The following GABRG1 variants were observed in gnomAD, a reference collection of about 807,000 sequenced individuals.
GABRG1 encodes the protein gamma-aminobutyric acid type A receptor subunit gamma1, also known as gamma-aminobutyric acid receptor subunit gamma-1.
Under a neutral mutation model 49.8 loss-of-function variants are expected in GABRG1, and 49 were observed. That is an observed-to-expected ratio of 0.98 (90% CI 0.78 to 1.25). The LOEUF (loss-of-function observed/expected upper bound fraction) is 1.25. GABRG1 is among the 50% of genes most tolerant of loss of function. The probability of loss-of-function intolerance (pLI) is 0.00; values close to 1 mark genes in which losing one functional copy is unlikely to be tolerated. For missense variants in GABRG1, 552 were observed against 552.3 expected (o/e 1.00, Z 0.01); for synonymous variants, 232 against 185.1 (o/e 1.25, Z -2.06).
chr4:46,110,263 C>T (rs543174174), intron 1 of GABRG1, among the ~76,000 whole-genome samples: 1 of 151,060 alleles, frequency 6.6e-6, no homozygotes, highest in East Asian at 2.0e-4. Flanking sequence ...TATAATTATG[C>T]AATGCCCTCC....
intron 1 of GABRG1, among the ~76,000 whole-genome samples, chr4:46,119,390 G>A (rs1033612442): frequency 6.6e-6 from 1 of 151,314 alleles, no homozygotes; most frequent in African/African-American, 2.4e-5. Context: ...ATGCAGGCAG[G>A]GGTATAGAAC....
intron 1 of GABRG1, among the ~76,000 whole-genome samples, chr4:46,118,589 GC>G (rs939561574): frequency 6.6e-6 from 1 of 150,884 alleles, no homozygotes; most frequent in African/African-American, 2.4e-5. Context: ...ACACTATAGG[GC>G]AATGACTTTG....
At chr4:46,072,328 A>C (rs1603614) in intron 3 of GABRG1, among the ~76,000 whole-genome samples, 85,835 of 151,826 alleles carry the variant, frequency 0.57, 24,765 homozygotes, top group African/African-American at 0.63. Flanking sequence ...TGTCTCTGTC[A>C]TTAAGTGATA....
At chr4:46,115,906 A>C (rs1720869072) in intron 1 of GABRG1, among the ~76,000 whole-genome samples, 1 of 150,802 alleles carries the variant, frequency 6.6e-6, no homozygotes, top group Non-Finnish European at 1.5e-5. Context: ...CATTTAAAAA[A>C]TTAATTGGTA....
chr4:46,039,144 C>T lies in GABRG1; in HGVS notation c.*1844G>A, dbSNP rs1391784290. 6.6e-6 allele frequency: 1 copy of T among 151,402 alleles called. No individual in the cohort carries two copies. Among genetic ancestry groups the T allele is most frequent in the African/African-American group, 2.4e-5 (1 of 41,316 alleles). The allele number at this position is 151,402 out of a possible 1,614,324, so 9.4% of individuals were successfully genotyped here. A position where few individuals can be genotyped will look rare whatever the true frequency, so the allele number is the denominator to read the frequency against. On this transcript the variant is annotated 3_prime_UTR_variant, in exon 9 of 9. Coordinates refer to ENST00000295452, the MANE Select transcript of GABRG1 (RefSeq NM_173536.4). ...TTTTATTTATCCTTAAATGAATGCT[C>T]ACTTTCAAAACATCCATCAGTACTC... is the stretch of plus-strand genomic sequence containing the variant.
At position 46,070,409 on chromosome 4, in the gene GABRG1, A is replaced by G. The variant is rs1009658630; in HGVS notation, c.322-4825T>C. On this transcript the variant is annotated intron_variant, in intron 3 of 8. Coordinates refer to ENST00000295452, the MANE Select transcript of GABRG1 (RefSeq NM_173536.4). The stretch of plus-strand genomic sequence containing the variant: ...ATAAAATAGACCATGAAGTAATGCA[A>G]TCTGTAGGGTTTTATAAACCCTATG... 4.6e-5 allele frequency among the ~76,000 whole-genome samples: 7 copies of G among 152,108 alleles called. No homozygotes were observed. The South Asian group carries it at 8.3e-4, about 18-fold the overall frequency.
At chr4:46,096,691 C>CA (rs1429610552) in intron 2 of GABRG1, among the ~76,000 whole-genome samples, 1 of 150,638 alleles carries the variant, frequency 6.6e-6, no homozygotes, top group Non-Finnish European at 1.5e-5. Context: ...AGAAGGTAAC[C>CA]AAAAAAAGTG....
chr4:46,110,175 A>G lies in GABRG1; in HGVS notation c.105-12826T>C, dbSNP rs182548472. 5.1e-4 allele frequency among the ~76,000 whole-genome samples: 77 copies of G among 151,158 alleles called. 1 individual carries two copies. Among genetic ancestry groups the G allele is most frequent in the African/African-American group, 1.7e-3 (71 of 41,438 alleles). On this transcript the variant is annotated intron_variant, in intron 1 of 8. Coordinates refer to ENST00000295452, the MANE Select transcript of GABRG1 (RefSeq NM_173536.4). Reference sequence around the variant, plus strand: ...AATGTTTTTGTAGTTCTAGATGTATATCTTTAAATGTAGGTGCTCCAATGT... The same window carrying G: ...AATGTTTTTGTAGTTCTAGATGTATGTCTTTAAATGTAGGTGCTCCAATGT...
intron 1 of GABRG1, among the ~76,000 whole-genome samples, chr4:46,114,188 A>G (rs1720809920): frequency 6.6e-6 from 1 of 151,142 alleles, no homozygotes; most frequent in Admixed American, 6.6e-5. Context: ...AAAGAGTGAT[A>G]AATAACAGCA....
chr4:46,051,393 T>G, intron 8 of GABRG1, 31 bp downstream of exon 8: 1 of 1,499,084 alleles, frequency 6.7e-7, no homozygotes, highest in Non-Finnish European at 9.1e-7. Flanking sequence ...AGTTGAGGTT[T>G]ATAAAATAGA....
At chr4:46,111,033 G>A (rs1009954626) in intron 1 of GABRG1, among the ~76,000 whole-genome samples, 12 of 150,824 alleles carry the variant, frequency 8.0e-5, no homozygotes, top group South Asian at 2.1e-4. Flanking sequence ...AAAAGGCATC[G>A]AACAGAAAAA....
chr4:46,080,443 C>T (rs192863908), intron 3 of GABRG1, among the ~76,000 whole-genome samples: 23 of 151,924 alleles, frequency 1.5e-4, no homozygotes, highest in African/African-American at 5.5e-4. Flanking sequence ...TTTTAATAAA[C>T]ATTATCAAGT....
intron 3 of GABRG1, 25 bp from the exon 4 acceptor site, chr4:46,065,609 A>G (rs1421295984): frequency 9.8e-7 from 1 of 1,019,852 alleles, no homozygotes; most frequent in African/African-American, 1.6e-5. Flanking sequence ...GAGTAACAAC[A>G]TATTAGTAAA....
At chr4:46,069,668 T>G (rs1719048283) in intron 3 of GABRG1, among the ~76,000 whole-genome samples, 1 of 152,134 alleles carries the variant, frequency 6.6e-6, no homozygotes, top group African/African-American at 2.4e-5. Flanking sequence ...TGAATGTAGA[T>G]TGCCAAAGGC....
intron 1 of GABRG1, among the ~76,000 whole-genome samples, chr4:46,112,133 C>T (rs1241811665): frequency 6.6e-6 from 1 of 151,106 alleles, no homozygotes; most frequent in Non-Finnish European, 1.5e-5. Context: ...GGAACTTAAA[C>T]AATTGAAAAT....
At chr4:46,091,833 A>G (rs989060753) in intron 2 of GABRG1, among the ~76,000 whole-genome samples, 2 of 152,032 alleles carry the variant, frequency 1.3e-5, no homozygotes, top group Non-Finnish European at 2.9e-5. Context: ...AGCTCTGTAA[A>G]CTCCTCAATA....
intron 7 of GABRG1, among the ~76,000 whole-genome samples, chr4:46,053,716 A>C (rs964221852): frequency 3.9e-5 from 6 of 151,932 alleles, no homozygotes; most frequent in East Asian, 1.9e-4. Context: ...TACTGCAATA[A>C]ATTTTACTTT....
chr4:46,043,971 G>T (rs1382532392), intron 8 of GABRG1, among the ~76,000 whole-genome samples: 1 of 151,642 alleles, frequency 6.6e-6, no homozygotes. Context: ...TATACCATCT[G>T]CTAAAATTAT....
intron 1 of GABRG1, among the ~76,000 whole-genome samples, chr4:46,111,441 C>A (rs1400265458): frequency 1.3e-5 from 2 of 151,164 alleles, no homozygotes; most frequent in African/African-American, 4.8e-5. Context: ...ACATTCAATG[C>A]TATTCCTATT....
Sources: allele counts gnomAD v4.1 joint callset (sites outside exome capture counted in the v4.1 genomes callset), GRCh38; gene constraint gnomAD v4.1.1; transcripts MANE v1.5; gene names NCBI Gene and HGNC (gene_info 2026-07-23, HGNC 2026-07-21).